Variants in SNRPN observed in about 807,000 individuals in gnomAD.
SNRPN encodes small nuclear ribonucleoprotein polypeptide N, also known as small nuclear ribonucleoprotein-associated protein N.
In SNRPN, 7 loss-of-function variants were observed where a neutral mutation model predicts 25.2. That is an observed-to-expected ratio of 0.28 (90% confidence interval 0.16 to 0.52). The LOEUF is 0.52. SNRPN is among the 20% of genes least tolerant of loss of function. SNRPN has a pLI of 0.96. For synonymous variants in SNRPN, 124 were observed against 110.6 expected (o/e 1.12, Z -0.76); for missense variants, 196 against 322.5 (o/e 0.61, Z 3.00).
chr15:24,977,425 G>C (rs1365899410), intron 7 of SNRPN, among the ~76,000 whole-genome samples: 1 of 152,166 alleles, frequency 6.6e-6, no homozygotes, highest in Non-Finnish European at 1.5e-5. Flanking sequence ...GATCACTTGA[G>C]GTCAGGAGTT....
At chr15:24,845,831 T>C (rs563464987) in intron 2 of SNRPN, among the ~76,000 whole-genome samples, 24 of 151,966 alleles carry the variant, frequency 1.6e-4, no homozygotes, top group Non-Finnish European at 3.4e-4. Flanking sequence ...AAGACTGTAA[T>C]CCCAGCACTT....
intron 3 of SNRPN, among the ~76,000 whole-genome samples, chr15:24,931,239 T>C (rs1239815751): frequency 1.3e-5 from 2 of 152,238 alleles, no homozygotes; most frequent in African/African-American, 2.4e-5. Flanking sequence ...TCTGTATTAA[T>C]AATGCTGCCA....
intron 1 of SNRPN, among the ~76,000 whole-genome samples, chr15:24,961,418 AT>A (rs1486738877): frequency 1.3e-5 from 2 of 152,084 alleles, no homozygotes; most frequent in African/African-American, 2.4e-5. Flanking sequence ...GACCTTTCTG[AT>A]TTATCATCTT....
chr15:24,829,609 G>A (rs575703891), intron 1 of SNRPN, among the ~76,000 whole-genome samples: 2 of 152,134 alleles, frequency 1.3e-5, no homozygotes, highest in East Asian at 1.9e-4. Context: ...GGATTTGAAT[G>A]TCTCAGTTCT....
At chr15:24,926,191 A>AT (rs1462989066) in intron 3 of SNRPN, among the ~76,000 whole-genome samples, 3 of 152,248 alleles carry the variant, frequency 2.0e-5, no homozygotes, top group African/African-American at 7.2e-5. Context: ...GCTACTTTAG[A>AT]TTCTATTGTA....
intron 3 of SNRPN, chr15:24,921,261 CAG>C (rs1280871342): frequency 6.6e-6 from 1 of 152,090 alleles, no homozygotes; most frequent in Non-Finnish European, 1.5e-5. Context: ...AGCAGGTGAG[CAG>C]AGTTTGCTTG....
intron 1 of SNRPN, among the ~76,000 whole-genome samples, chr15:24,960,168 G>A (rs982816260): frequency 2.0e-5 from 3 of 152,162 alleles, no homozygotes; most frequent in Non-Finnish European, 4.4e-5. Flanking sequence ...TGGAGGCTGA[G>A]TTTGGGTCTT....
At chr15:24,923,438 T>C (rs2060155976) in intron 3 of SNRPN, among the ~76,000 whole-genome samples, 3 of 152,164 alleles carry the variant, frequency 2.0e-5, no homozygotes. Context: ...TACAAAACCA[T>C]GTGTACCTTA....
rs189040948 is a variant in SNRPN, at chr15:24,955,274, G to A, written c.-391+212G>A. On this transcript the variant is annotated intron_variant, in intron 1 of 9. Coordinates refer to ENST00000390687, the MANE Select transcript of SNRPN (RefSeq NM_003097.6). ...GTATCCTGTCCGCTCGCATTGGGGCGCGTCCCCCATCCGCCCCCAACTGTG... is the reference window on the plus strand; with the variant it reads ...GTATCCTGTCCGCTCGCATTGGGGCACGTCCCCCATCCGCCCCCAACTGTG... Among the ~76,000 whole-genome samples, 156 of 151,994 alleles carry A rather than the reference G, an allele frequency of 1.0e-3. 2 individuals carry two copies. The highest frequency in any genetic ancestry group is 3.5e-3 in the African/African-American group (145 of 41,362).
upstream of SNRPN, among the ~76,000 whole-genome samples, chr15:24,854,053 A>G (rs186724762): frequency 3.3e-5 from 5 of 152,032 alleles, no homozygotes; most frequent in Admixed American, 1.3e-4. Flanking sequence ...ATGGATCTTT[A>G]TTTTACACTT....
intron 3 of SNRPN, among the ~76,000 whole-genome samples, chr15:24,943,392 A>T (rs1418370984): frequency 2.6e-5 from 4 of 151,934 alleles, no homozygotes; most frequent in Non-Finnish European, 5.9e-5. Context: ...TTTTTCCATC[A>T]TCTGATTGAA....
At chr15:24,865,148 G>A (rs1207038900) in intron 1 of SNRPN, among the ~76,000 whole-genome samples, 1 of 150,980 alleles carries the variant, frequency 6.6e-6, no homozygotes, top group Non-Finnish European at 1.5e-5. Flanking sequence ...CCAGGTTCAA[G>A]CGATTCACCT....
At chr15:24,847,111 C>G (rs1317592164) in intron 2 of SNRPN, among the ~76,000 whole-genome samples, 1 of 152,092 alleles carries the variant, frequency 6.6e-6, no homozygotes, top group African/African-American at 2.4e-5. Context: ...ACCTAGAAAA[C>G]GACATTTTGG....
Position 24,948,105 on chromosome 15 carries a change from T to A in SNRPN, c.-390-14009T>A, listed in dbSNP as rs185224089. Reference sequence around the variant, plus strand: ...TCAAAATAGCAATCTTCCTTTTTTATTTTATTTTATTTTATTTATGTTTTG... The same window carrying A: ...TCAAAATAGCAATCTTCCTTTTTTAATTTATTTTATTTTATTTATGTTTTG... On this transcript the variant is annotated intron_variant, in intron 3 of 11. Coordinates refer to the SNRPN transcript ENST00000400097. Among the ~76,000 whole-genome samples, 337 of 151,858 alleles carry A rather than the reference T, an allele frequency of 2.2e-3. 1 individual carries two copies. The highest frequency in any genetic ancestry group is 7.6e-3 in the African/African-American group (313 of 41,436).
intron 2 of SNRPN, chr15:24,909,120 T>C (rs1221178510): frequency 7.5e-7 from 1 of 1,338,530 alleles, no homozygotes; most frequent in Non-Finnish European, 1.1e-6. Flanking sequence ...TCCTCCATCA[T>C]GTCTGGAGTT....
chr15:24,965,104 G>T (rs1177875286), intron 2 of SNRPN, among the ~76,000 whole-genome samples: 6 of 152,112 alleles, frequency 3.9e-5, no homozygotes, highest in Non-Finnish European at 5.9e-5. Flanking sequence ...ATGTGTTTAG[G>T]ATTCTCAGGA....
intron 8 of SNRPN, 48 bp downstream of exon 8, chr15:24,977,964 A>G (rs1459692825): frequency 2.0e-6 from 3 of 1,493,294 alleles, no homozygotes; most frequent in Non-Finnish European, 2.7e-6. Flanking sequence ...CTGATGAGAG[A>G]TAGCTTACTG....
intron 1 of SNRPN, among the ~76,000 whole-genome samples, chr15:24,871,961 T>A (rs564428735): frequency 1.7e-5 from 2 of 119,938 alleles, no homozygotes; most frequent in African/African-American, 5.7e-5. Flanking sequence ...CACCTCAGCC[T>A]CCCAAAGTGC....
At chr15:24,974,110 C>T (rs1198078641) in intron 3 of SNRPN, among the ~76,000 whole-genome samples, 1 of 152,162 alleles carries the variant, frequency 6.6e-6, no homozygotes, top group Non-Finnish European at 1.5e-5. Context: ...AATTCAATGA[C>T]TTTCATCAGT....
Sources: allele counts gnomAD v4.1 joint callset (sites outside exome capture counted in the v4.1 genomes callset), GRCh38; gene constraint gnomAD v4.1.1; transcripts MANE v1.5; gene names NCBI Gene and HGNC (gene_info 2026-07-23, HGNC 2026-07-21).